The following ASS1 variants were observed in gnomAD, a reference collection of about 807,000 sequenced individuals.
The protein encoded by ASS1 is argininosuccinate synthase.
Under a neutral mutation model 60.5 loss-of-function variants are expected in ASS1, and 58 were observed. The ratio of observed to expected loss-of-function variants is 0.96; its 90% confidence interval spans 0.78 to 1.19. The LOEUF is 1.19. ASS1 is among the 50% of genes most tolerant of loss of function. ASS1 has a pLI of 0.00. For synonymous variants in ASS1, 200 were observed against 206.9 expected (o/e 0.97, Z 0.29); for missense variants, 454 against 547.3 (o/e 0.83, Z 1.70).
At chr9:130,486,150 G>A (rs965167204) in intron 11 of ASS1, among the ~76,000 whole-genome samples, 1 of 151,990 alleles carries the variant, frequency 6.6e-6, no homozygotes, top group African/African-American at 2.4e-5. Flanking sequence ...TTGTAGAGAC[G>A]GGGTCTCCCT....
intron 8 of ASS1, among the ~76,000 whole-genome samples, chr9:130,472,400 G>C (rs1302093167): frequency 2.6e-5 from 4 of 152,162 alleles, no homozygotes; most frequent in Non-Finnish European, 4.4e-5. Flanking sequence ...GTCGGTGTTG[G>C]CTGTAATATC....
chr9:130,449,244 G>A (rs1261979788), intron 1 of ASS1, among the ~76,000 whole-genome samples: 1 of 151,850 alleles, frequency 6.6e-6, no homozygotes, highest in Non-Finnish European at 1.5e-5. Flanking sequence ...GCACTGAGCT[G>A]GGATGGGAGG....
At chr9:130,484,615 CAG>C (rs777328160) in intron 11 of ASS1, among the ~76,000 whole-genome samples, 6 of 152,160 alleles carry the variant, frequency 3.9e-5, no homozygotes, top group Non-Finnish European at 7.3e-5. Context: ...CACGGCAACA[CAG>C]AGGCTCAGCT....
At chr9:130,500,952 C>A (rs760295970) in intron 14 of ASS1, 24 bp from the exon 15 acceptor site, 1 of 1,612,098 alleles carries the variant, frequency 6.2e-7, no homozygotes, top group East Asian at 2.2e-5. Flanking sequence ...TTACATTTTT[C>A]TTTGTTTTGA....
At chr9:130,499,184 C>G (rs1388282132) in intron 13 of ASS1, among the ~76,000 whole-genome samples, 1 of 152,202 alleles carries the variant, frequency 6.6e-6, no homozygotes, top group Non-Finnish European at 1.5e-5. Flanking sequence ...CATTTACAGA[C>G]AGAGTGCTCT....
chr9:130,460,006 T>G (rs1274014616), intron 4 of ASS1, among the ~76,000 whole-genome samples: 2 of 152,200 alleles, frequency 1.3e-5, no homozygotes, highest in Admixed American at 1.3e-4. Flanking sequence ...ACCCAAGTCA[T>G]GAGCTCTCAG....
At chr9:130,451,253 G>A (rs2131866382) in intron 1 of ASS1, among the ~76,000 whole-genome samples, 1 of 152,232 alleles carries the variant, frequency 6.6e-6, no homozygotes, top group South Asian at 2.1e-4. Context: ...TTGTGACGGA[G>A]GGTGGGGCAG....
intron 11 of ASS1, among the ~76,000 whole-genome samples, chr9:130,480,822 G>A (rs996878622): frequency 4.6e-5 from 7 of 152,216 alleles, no homozygotes; most frequent in Admixed American, 1.3e-4. Context: ...CATTAAGGCC[G>A]CATGGAGGCC....
At chr9:130,497,659 G>A (rs922001997) in intron 13 of ASS1, among the ~76,000 whole-genome samples, 3 of 152,346 alleles carry the variant, frequency 2.0e-5, no homozygotes, top group Non-Finnish European at 4.4e-5. Context: ...TGCAGGGGCT[G>A]CCAGGGCAGC....
chr9:130,494,911 G>A lies in ASS1; in HGVS notation c.1015G>A (p.Ala339Thr), dbSNP rs145100866. 3.4e-4 allele frequency: 549 copies of A among 1,613,400 alleles called. 1 individual carries two copies. The highest frequency in any genetic ancestry group is 5.2e-4 in the Admixed American group (31 of 60,012). ...PECEFVRHCI[A>T]KSQERVEGKV... is the part of the protein sequence containing the mutation. The stretch of plus-strand genomic sequence containing the variant: ...GTGTGAATTTGTCCGCCACTGCATC[G>A]CCAAGTCCCAGGAGCGAGTGGAAGG... Residue 339 changes from alanine to threonine, a missense_variant, in exon 13 of 15, where the codon GCC (alanine) becomes ACC (threonine). Transcript: ENST00000352480. This position sits in a 1 kb window ranked among gnomAD's most constrained non-coding sequence, Gnocchi z 4.3.
chr9:130,495,655 A>G (rs1846581135), intron 13 of ASS1, among the ~76,000 whole-genome samples: 1 of 152,076 alleles, frequency 6.6e-6, no homozygotes, highest in Admixed American at 6.6e-5. Context: ...GGGCAAGATC[A>G]GATCTGTGCA....
In ASS1 at chr9:130,495,472, T is replaced by TACACACACAC. The variant is rs71499245; in HGVS notation, c.1127+469_1127+478dup. 3.3e-3 allele frequency among the ~76,000 whole-genome samples: 487 copies of TACACACACAC among 146,878 alleles called. 1 individual carries two copies. The highest frequency in any genetic ancestry group is 0.011 in the African/African-American group (419 of 39,070). ...ATATATATATATATACACATACATATACACACACACACACACACACACACA... is the reference window on the plus strand; with the variant it reads ...ATATATATATATATACACATACATATACACACACACACACACACACACACACACACACACA... On this transcript the variant is annotated intron_variant, in intron 13 of 14. Transcript: ENST00000352480.
Position 130,477,193 on chromosome 9 carries a change from C to G in ASS1, c.688+232C>G, listed in dbSNP as rs535620906. On this transcript the variant is annotated intron_variant, in intron 9 of 14. Transcript: ENST00000352480. This position sits in a 1 kb window ranked among gnomAD's most constrained non-coding sequence, Gnocchi z 4.2. ...AACATGCCCTCGGCTACCCATCACTCGGGTTCATGGGCACCAGGTCTGGAA... is the reference window on the plus strand; with the variant it reads ...AACATGCCCTCGGCTACCCATCACTGGGGTTCATGGGCACCAGGTCTGGAA... Among the ~76,000 whole-genome samples the G allele has an allele frequency of 2.6e-5, 4 of 152,278 alleles. No individual in the cohort carries two copies. Among genetic ancestry groups the G allele is most frequent in the South Asian group, 2.1e-4 (1 of 4,816 alleles).
intron 1 of ASS1, chr9:130,450,353 C>T (rs1289474498): frequency 1.0e-6 from 1 of 986,654 alleles, no homozygotes; most frequent in African/African-American, 1.7e-5. Context: ...ACCTTAAGTC[C>T]TCCCTGCCTG....
At chr9:130,448,422 G>GCGCGCACACACACACA (rs71387350) in intron 1 of ASS1, among the ~76,000 whole-genome samples, 2 of 143,386 alleles carry the variant, frequency 1.4e-5, no homozygotes, top group East Asian at 2.1e-4. Flanking sequence ...GTGTGCGCGC[G>GCGCGCACACACACACA]CACACACACA....
intron 8 of ASS1, 141 bp downstream of exon 8, chr9:130,471,656 G>A (rs1845869007): frequency 9.9e-7 from 1 of 1,007,388 alleles, no homozygotes; most frequent in Admixed American, 2.0e-5. Context: ...CCCTGCCTGT[G>A]TTCCCCGACC....
At chr9:130,500,450 G>A (rs1389590570) in intron 14 of ASS1, among the ~76,000 whole-genome samples, 3 of 152,134 alleles carry the variant, frequency 2.0e-5, no homozygotes, top group Non-Finnish European at 4.4e-5. Flanking sequence ...GGGGATTGGA[G>A]TCTAGAAGAA....
rs1846442335 is a variant in ASS1 at position 130,491,252 on chromosome 9, C to T, written c.970+1788C>T. 6.6e-6 allele frequency among the ~76,000 whole-genome samples: 1 copy of T among 152,100 alleles called. No homozygotes were observed. Among genetic ancestry groups the T allele is most frequent in the East Asian group, 1.9e-4 (1 of 5,172 alleles). Reference sequence around the variant, plus strand: ...GCTTTCCAGCCCGGCGGGATTGCGACCCCGAAAGGAGGATTTTAGTTACAA... The same window carrying T: ...GCTTTCCAGCCCGGCGGGATTGCGATCCCGAAAGGAGGATTTTAGTTACAA... On this transcript the variant is annotated intron_variant, in intron 12 of 14. Transcript: ENST00000352480. This position sits in a 1 kb window ranked among gnomAD's most constrained non-coding sequence, Gnocchi z 5.3.
At position 130,463,378 on chromosome 9, in the gene ASS1, C is replaced by T. The variant is rs978390347; in HGVS notation, c.364-733C>T. On this transcript the variant is annotated intron_variant, in intron 4 of 14. Transcript: ENST00000352480. ...GTGGTCCCGGCTATGTCGGGGGTAACGTTCACAGCTCAGTGGGGTGTTGAG... is the reference window on the plus strand; with the variant it reads ...GTGGTCCCGGCTATGTCGGGGGTAATGTTCACAGCTCAGTGGGGTGTTGAG... Among the ~76,000 whole-genome samples, 5 of 152,134 alleles carry T rather than the reference C, an allele frequency of 3.3e-5. No individual in the cohort carries two copies. The East Asian group carries it at 5.8e-4, about 18-fold the overall frequency.
Sources: allele counts gnomAD v4.1 joint callset (sites outside exome capture counted in the v4.1 genomes callset), GRCh38; gene constraint gnomAD v4.1.1; non-coding constraint Gnocchi (gnomAD v3.1); transcripts MANE v1.5; gene names NCBI Gene and HGNC (gene_info 2026-07-23, HGNC 2026-07-21).